The following FRMD4A variants were observed in gnomAD, a reference collection of about 807,000 sequenced individuals.
FRMD4A encodes FERM domain containing 4A.
FRMD4A carries 29 observed loss-of-function variants against 129.1 expected under a neutral mutation model. The observed-to-expected ratio is 0.22, with a 90% confidence interval of 0.17 to 0.31. FRMD4A has a LOEUF of 0.31. Ranked by LOEUF, FRMD4A falls within the 10% of genes least tolerant of loss-of-function variation. The pLI is 1.00. For missense variants in FRMD4A, 1,272 were observed against 1,375.8 expected, an observed-to-expected ratio of 0.92 and a Z score of 1.19; for synonymous variants, 634 against 571.6, an observed-to-expected ratio of 1.11 and a Z score of -1.56.
intron 2 of FRMD4A, among the ~76,000 whole-genome samples, chr10:14,116,268 A>T (rs765039313): frequency 2.0e-5 from 3 of 152,200 alleles, no homozygotes. Context: ...CGTGTGTAGC[A>T]TATGTTAGGA....
chr10:13,906,825 A>G (rs2094887274), intron 2 of FRMD4A, among the ~76,000 whole-genome samples: 1 of 152,202 alleles, frequency 6.6e-6, no homozygotes, highest in Non-Finnish European at 1.5e-5. Flanking sequence ...TCGTGTGTGA[A>G]TAACTTAGGA....
intron 3 of FRMD4A, among the ~76,000 whole-genome samples, chr10:13,817,059 C>G (rs1380766720): frequency 1.3e-5 from 2 of 152,168 alleles, no homozygotes; most frequent in Non-Finnish European, 2.9e-5. Flanking sequence ...GCTTTTATTT[C>G]TCCTGATACC....
chr10:13,911,342 G>A (rs1434000373), intron 2 of FRMD4A, among the ~76,000 whole-genome samples: 1 of 152,166 alleles, frequency 6.6e-6, no homozygotes, highest in African/African-American at 2.4e-5. Flanking sequence ...CTCAAGTTCA[G>A]TTCATATTAT....
chr10:14,309,257 T>C (rs1038473485), intron 2 of FRMD4A, among the ~76,000 whole-genome samples: 2 of 152,134 alleles, frequency 1.3e-5, no homozygotes, highest in Admixed American at 1.3e-4. Context: ...TAAGACTAGC[T>C]TGGACAACAT....
chr10:13,865,442 T>TATTTC (rs1188519635), intron 2 of FRMD4A, among the ~76,000 whole-genome samples: 1 of 147,638 alleles, frequency 6.8e-6, no homozygotes, highest in African/African-American at 2.5e-5. Context: ...TATTTTATTT[T>TATTTC]ATTTTATTTT....
intron 2 of FRMD4A, among the ~76,000 whole-genome samples, chr10:13,973,557 G>A (rs926381513): frequency 2.6e-5 from 4 of 151,992 alleles, no homozygotes; most frequent in East Asian, 1.9e-4. Flanking sequence ...GGCAAAACAC[G>A]GTGCATAATT....
intron 2 of FRMD4A, among the ~76,000 whole-genome samples, chr10:13,987,804 C>G (rs533072961): frequency 6.6e-5 from 10 of 152,122 alleles, no homozygotes; most frequent in African/African-American, 2.4e-4. Context: ...AAGAGGACAT[C>G]GTACAATTTA....
Position 13,796,476 on chromosome 10 carries a change from T to C in FRMD4A, c.299+20A>G, listed in dbSNP as rs896812141. On this transcript the variant is annotated intron_variant, in intron 5 of 24. Transcript: ENST00000357447. Reference sequence around the variant, plus strand: ...TAAAGAACACAAAGAAGCAAAAGTATAGACACCAGGTGTACATACCTGACA... The same window carrying C: ...TAAAGAACACAAAGAAGCAAAAGTACAGACACCAGGTGTACATACCTGACA... 7.6e-6 allele frequency: 9 copies of C among 1,189,470 alleles called. No individual in the cohort carries two copies. The highest frequency in any genetic ancestry group is 1.5e-5 in the African/African-American group (1 of 66,732). 73.7% of individuals were successfully genotyped at this position (1,189,470 alleles called of 1,614,324 possible). A position where few individuals can be genotyped will look rare whatever the true frequency, so the allele number is the denominator to read the frequency against.
intron 2 of FRMD4A, among the ~76,000 whole-genome samples, chr10:14,119,183 A>T (rs530160047): frequency 6.6e-6 from 1 of 152,150 alleles, no homozygotes; most frequent in East Asian, 1.9e-4. Context: ...GCAGAGGGTG[A>T]CTCATTTCCG....
chr10:13,795,505 G>C (rs949934308), intron 5 of FRMD4A, among the ~76,000 whole-genome samples: 1 of 152,172 alleles, frequency 6.6e-6, no homozygotes, highest in Non-Finnish European at 1.5e-5. Flanking sequence ...CCTATGTCTG[G>C]AACTGCATTC....
At chr10:13,714,833 T>C (rs1427503387) in intron 12 of FRMD4A, among the ~76,000 whole-genome samples, 1 of 151,264 alleles carries the variant, frequency 6.6e-6, no homozygotes, top group Non-Finnish European at 1.5e-5. Context: ...AGGTCAGAAG[T>C]TCAAGACCAG....
chr10:13,908,745 TC>T (rs1838218848), intron 2 of FRMD4A, among the ~76,000 whole-genome samples: 1 of 152,236 alleles, frequency 6.6e-6, no homozygotes, highest in African/African-American at 2.4e-5. Flanking sequence ...TGCTCCCTCT[TC>T]TTCCCATGTT....
intron 3 of FRMD4A, among the ~76,000 whole-genome samples, chr10:13,827,393 GA>G (rs2093718988): frequency 6.6e-6 from 1 of 152,108 alleles, no homozygotes; most frequent in Non-Finnish European, 1.5e-5. Flanking sequence ...CCCATCTCCC[GA>G]AACCCGACAG....
chr10:13,784,687 A>G (rs2092811894), intron 5 of FRMD4A, among the ~76,000 whole-genome samples: 1 of 152,194 alleles, frequency 6.6e-6, no homozygotes, highest in Non-Finnish European at 1.5e-5. Flanking sequence ...GGTAAAAGAT[A>G]AAAGGATTTA....
At chr10:13,740,123 CAT>C in intron 11 of FRMD4A, 69 bp downstream of exon 11, 1 of 881,262 alleles carries the variant, frequency 1.1e-6, no homozygotes, top group South Asian at 1.4e-5. Context: ...AAGAAGAAAA[CAT>C]ATAACGAGAT....
chr10:13,973,796 T>C (rs1156293850), intron 2 of FRMD4A, among the ~76,000 whole-genome samples: 4 of 151,358 alleles, frequency 2.6e-5, no homozygotes, highest in Non-Finnish European at 5.9e-5. Context: ...GGAGGGAGGG[T>C]GAAGAGTAAA....
intron 2 of FRMD4A, among the ~76,000 whole-genome samples, chr10:14,058,696 A>G (rs1029488117): frequency 1.3e-5 from 2 of 152,182 alleles, no homozygotes; most frequent in African/African-American, 2.4e-5. Flanking sequence ...CACTGAACAC[A>G]TCCCTGTAGG....
At chr10:13,876,683 G>A (rs1291256124) in intron 2 of FRMD4A, among the ~76,000 whole-genome samples, 1 of 151,874 alleles carries the variant, frequency 6.6e-6, no homozygotes, top group East Asian at 1.9e-4. Context: ...TTACAACTAT[G>A]GGTCTTATTA....
At chr10:13,927,506 T>C (rs1485880006) in intron 2 of FRMD4A, among the ~76,000 whole-genome samples, 2 of 152,218 alleles carry the variant, frequency 1.3e-5, no homozygotes, top group African/African-American at 4.8e-5. Context: ...TCTATTTCAA[T>C]TGGATTCAAG....
Sources: gnomAD v4.1 joint callset for allele counts (sites outside exome capture counted in the v4.1 genomes callset) on GRCh38, gnomAD v4.1.1 for gene constraint, MANE v1.5 for transcripts, NCBI Gene and HGNC (gene_info 2026-07-23, HGNC 2026-07-21) for gene names.